Variants in STX12 observed in about 807,000 individuals in gnomAD.
STX12 encodes syntaxin 12.
In STX12, 17 loss-of-function variants were observed where a neutral mutation model predicts 42.2. That is an observed-to-expected ratio of 0.40 (90% CI 0.28 to 0.60). The LOEUF (loss-of-function observed/expected upper bound fraction) is 0.60, where lower values mean the gene tolerates loss of function less well. STX12 is among the 20% of genes least tolerant of loss of function. STX12 has a pLI of 0.39. For missense variants in STX12, 297 were observed against 330.9 expected, an observed-to-expected ratio of 0.90 and a Z score of 0.79; for synonymous variants, 108 against 116.7, an observed-to-expected ratio of 0.93 and a Z score of 0.48.
chr1:27,793,414 T>G, intron 2 of STX12, 119 bp from the exon 3 acceptor site: 1 of 759,120 alleles, frequency 1.3e-6, no homozygotes, highest in South Asian at 1.8e-5. Context: ...ATCTAGGGAC[T>G]CATTTCTTCA....
At chr1:27,811,464 TATAAC>T (rs2088903479) in intron 5 of STX12, among the ~76,000 whole-genome samples, 1 of 152,082 alleles carries the variant, frequency 6.6e-6, no homozygotes, top group African/African-American at 2.4e-5. Context: ...TAAAAAGTGT[TATAAC>T]ATTTCACTAG....
At chr1:27,794,835 A>G (rs1309338447) in intron 3 of STX12, among the ~76,000 whole-genome samples, 1 of 151,522 alleles carries the variant, frequency 6.6e-6, no homozygotes, top group Non-Finnish European at 1.5e-5. Flanking sequence ...GATCCTCCCA[A>G]CTCAGCCTCC....
chr1:27,786,651 CTGAATGAA>C (rs533185246), intron 1 of STX12, among the ~76,000 whole-genome samples: 6 of 151,888 alleles, frequency 4.0e-5, no homozygotes, highest in Admixed American at 1.3e-4. Context: ...ATACTCTACT[CTGAATGAA>C]TGAATGAATG....
Position 27,789,554 on chromosome 1 carries a change from C to G in STX12, c.119-8C>G, listed in dbSNP as rs749895893. ...TTTAAATAAATCTTTTTCTTCCTAT[C>G]TCCCCAGCTGCTCAGATAAAGAATT... On this transcript the variant is annotated splice_region_variant and splice_polypyrimidine_tract_variant and intron_variant, in intron 1 of 8. Transcript: ENST00000373943. The G allele has an allele frequency of 1.2e-5, 19 of 1,610,768 alleles. No individual in the cohort carries two copies. Among genetic ancestry groups the G allele is most frequent in the Non-Finnish European group, 1.6e-5 (19 of 1,178,138 alleles).
chr1:27,822,301 T>C lies in STX12; in HGVS notation c.803T>C (p.Ile268Thr), dbSNP rs944622379. The C allele has an allele frequency of 6.8e-6, 11 of 1,612,920 alleles. No individual in the cohort carries two copies. The highest frequency in any genetic ancestry group is 3.3e-5 in the South Asian group (3 of 91,056). ...LSVIILILGL[I>T]IWLVYKTK ...GTGATTATTCTAATCTTGGGACTTATTATCTGGCTAGTTTATAAAACGAAG... is the reference window on the plus strand; with the variant it reads ...GTGATTATTCTAATCTTGGGACTTACTATCTGGCTAGTTTATAAAACGAAG... Residue 268 changes from isoleucine (I) to threonine (T), a missense_variant, in exon 9 of 9, where the codon ATT (isoleucine) becomes ACT (threonine). By Grantham distance (89) the Ile-to-Thr change is moderately conservative. Coordinates refer to ENST00000373943, the MANE Select transcript of STX12 (RefSeq NM_177424.3).
At chr1:27,785,315 AT>A (rs900211038) in intron 1 of STX12, among the ~76,000 whole-genome samples, 6 of 152,168 alleles carry the variant, frequency 3.9e-5, no homozygotes, top group Non-Finnish European at 7.3e-5. Flanking sequence ...TTCTAGAGGG[AT>A]ATAGTCAGTC....
intron 1 of STX12, among the ~76,000 whole-genome samples, chr1:27,778,699 G>GAA (rs374294160): frequency 5.0e-5 from 6 of 119,804 alleles, no homozygotes; most frequent in South Asian, 2.6e-4. Flanking sequence ...TCCATCTCAG[G>GAA]AAAAAAAAAA....
At chr1:27,821,589 T>G (rs2088985027) in intron 8 of STX12, among the ~76,000 whole-genome samples, 2 of 152,144 alleles carry the variant, frequency 1.3e-5, no homozygotes, top group Admixed American at 1.3e-4. Context: ...AACATAACAG[T>G]TTTATACGTA....
intron 1 of STX12, among the ~76,000 whole-genome samples, chr1:27,786,652 T>C (rs901238764): frequency 4.6e-5 from 7 of 151,462 alleles, no homozygotes; most frequent in African/African-American, 1.7e-4. Context: ...TACTCTACTC[T>C]GAATGAATGA....
At chr1:27,818,633 C>CTT (rs201465138) in intron 7 of STX12, among the ~76,000 whole-genome samples, 3,058 of 143,282 alleles carry the variant, frequency 0.021, 85 homozygotes, top group African/African-American at 0.072. Context: ...GTTAGTAACC[C>CTT]TTTTTTTTTT....
intron 4 of STX12, among the ~76,000 whole-genome samples, chr1:27,802,478 C>T (rs2088834157): frequency 6.6e-6 from 1 of 152,156 alleles, no homozygotes; most frequent in South Asian, 2.1e-4. Context: ...AGAAAGATTG[C>T]ATTAGCACTG....
At chr1:27,805,628 T>C (rs2088858458) in intron 4 of STX12, among the ~76,000 whole-genome samples, 1 of 152,168 alleles carries the variant, frequency 6.6e-6, no homozygotes, top group Admixed American at 6.5e-5. Context: ...GTTTTCATGT[T>C]ACTAATTATT....
intron 6 of STX12, among the ~76,000 whole-genome samples, chr1:27,817,101 A>AAGGGAGGGAGAGAAGGAGGG (rs2088948962): frequency 1.3e-5 from 2 of 149,406 alleles, no homozygotes; most frequent in Non-Finnish European, 3.0e-5. Context: ...AGAAAAAAGA[A>AAGGGAGGGAGAGAAGGAGGG]AGGGAGGGAG....
chr1:27,783,612 G>A (rs2088682284), intron 1 of STX12, among the ~76,000 whole-genome samples: 2 of 152,116 alleles, frequency 1.3e-5, no homozygotes, highest in South Asian at 2.1e-4. Context: ...TGGGATTACA[G>A]GTGTGAGCCA....
intron 3 of STX12, among the ~76,000 whole-genome samples, chr1:27,799,477 G>GTTTTGTTTTTTTTTTT (rs2088811521): frequency 7.7e-6 from 1 of 130,714 alleles, no homozygotes; most frequent in African/African-American, 3.2e-5. Flanking sequence ...TCATTAGCTT[G>GTTTTGTTTTTTTTTTT]TTTTTTTTTT....
chr1:27,782,784 T>C (rs6598905), intron 1 of STX12, among the ~76,000 whole-genome samples: 18,721 of 152,170 alleles, frequency 0.12, 3,855 homozygotes, highest in African/African-American at 0.42. Context: ...TGCAGTGAGC[T>C]GAGACCGTGC....
intron 4 of STX12, 186 bp from the exon 5 acceptor site, chr1:27,810,060 G>A: frequency 1.9e-6 from 1 of 532,686 alleles, no homozygotes; most frequent in Non-Finnish European, 3.3e-6. Flanking sequence ...CTGGAATGCA[G>A]ATTTTCTTCA....
rs184350913 is a variant in STX12 at position 27,812,900 on chromosome 1, C to A, written c.576+632C>A. ...ACAGATATTTTATTGCTCATTAGAA[C>A]TTTGACCTCAAATCTCAATGCCAAC... On this transcript the variant is annotated intron_variant, in intron 6 of 8. Coordinates refer to ENST00000373943, the MANE Select transcript of STX12 (RefSeq NM_177424.3). Among the ~76,000 whole-genome samples the A allele has an allele frequency of 3.5e-3, 530 of 152,284 alleles. 4 individuals carry two copies. Among genetic ancestry groups the A allele is most frequent in the Non-Finnish European group, 5.5e-3 (375 of 68,026 alleles).
At chr1:27,774,170 T>TA (rs1372656694) in intron 1 of STX12, 2 of 152,222 alleles carry the variant, frequency 1.3e-5, no homozygotes, top group Admixed American at 1.3e-4. Flanking sequence ...ACAGGGAAGC[T>TA]AAGACACTTA....
Sources: allele counts gnomAD v4.1 joint callset (sites outside exome capture counted in the v4.1 genomes callset), GRCh38; gene constraint gnomAD v4.1.1; transcripts MANE v1.5; gene names NCBI Gene and HGNC (gene_info 2026-07-23, HGNC 2026-07-21).